The following KIF26B variants were observed in gnomAD, a reference collection of about 807,000 sequenced individuals.
The protein encoded by KIF26B is kinesin family member 26B.
KIF26B carries 63 observed loss-of-function variants against 151.2 expected under a neutral mutation model. That is an observed-to-expected ratio of 0.42 (90% CI 0.34 to 0.51). KIF26B has a LOEUF of 0.51. Ranked by LOEUF, KIF26B falls within the 20% of genes least tolerant of loss-of-function variation. The pLI is 0.07. For missense variants in KIF26B, 2,813 were observed against 2,913.6 expected (o/e 0.97, Z 0.79); for synonymous variants, 1,357 against 1,262.1 (o/e 1.08, Z -1.59).
chr1:245,592,576 G>A (rs1167666297), intron 5 of KIF26B, among the ~76,000 whole-genome samples: 1 of 152,198 alleles, frequency 6.6e-6, no homozygotes, highest in Non-Finnish European at 1.5e-5. Context: ...TGTTGCTGAT[G>A]GATGATTGAT....
intron 2 of KIF26B, among the ~76,000 whole-genome samples, chr1:245,177,960 G>C (rs1385177166): frequency 6.6e-6 from 1 of 152,168 alleles, no homozygotes; most frequent in Non-Finnish European, 1.5e-5. Context: ...GGTTTAGACT[G>C]GGGTTAGCCT....
At chr1:245,204,701 A>C (rs1669366677) in intron 2 of KIF26B, among the ~76,000 whole-genome samples, 1 of 151,786 alleles carries the variant, frequency 6.6e-6, no homozygotes, top group Non-Finnish European at 1.5e-5. Context: ...AATTTCTCTT[A>C]TGGCTTCGTC....
intron 8 of KIF26B, among the ~76,000 whole-genome samples, chr1:245,610,563 T>G (rs1391355082): frequency 6.6e-6 from 1 of 152,190 alleles, no homozygotes; most frequent in Non-Finnish European, 1.5e-5. Flanking sequence ...ATCTACACAG[T>G]GTCTGTGATG....
Position 245,607,842 on chromosome 1 carries a change from G to C in KIF26B, c.1651+98G>C, listed in dbSNP as rs2043473373. 1.9e-5 allele frequency: 18 copies of C among 928,604 alleles called. No homozygotes were observed. The South Asian group carries it at 2.7e-4, about 14-fold the overall frequency. 57.5% of individuals were successfully genotyped at this position (928,604 alleles called of 1,614,324 possible). On this transcript the variant is annotated intron_variant, in intron 7 of 14. Coordinates refer to ENST00000407071, the MANE Select transcript of KIF26B (RefSeq NM_018012.4). ...CCCAGAGTTCTCTGATGACAGGAAG[G>C]GCTGCGTTTCTCTTAGGTGTTGAGC...
At chr1:245,436,125 T>C (rs1382575715) in intron 4 of KIF26B, among the ~76,000 whole-genome samples, 3 of 150,100 alleles carry the variant, frequency 2.0e-5, no homozygotes, top group Admixed American at 6.7e-5. Flanking sequence ...TGCAGTGAGC[T>C]GAGATTGCGT....
chr1:245,703,443 C>T lies in KIF26B; in HGVS notation c.*837C>T, dbSNP rs1366424338. ...ACAGGTGAGGAGACGGCACCTGCAG[C>T]ACAGGGGAGGAGGAGTCCTTTGCGA... is the stretch of plus-strand genomic sequence containing the variant. On this transcript the variant is annotated 3_prime_UTR_variant, in exon 15 of 15. Coordinates refer to ENST00000407071, the MANE Select transcript of KIF26B (RefSeq NM_018012.4). The T allele has an allele frequency of 6.6e-6, 1 of 152,186 alleles. No homozygotes were observed. The highest frequency in any genetic ancestry group is 2.4e-5 in the African/African-American group (1 of 41,452). 9.4% of individuals were successfully genotyped at this position (152,186 alleles called of 1,614,324 possible). A position where few individuals can be genotyped will look rare whatever the true frequency, so the allele number is the denominator to read the frequency against.
intron 2 of KIF26B, among the ~76,000 whole-genome samples, chr1:245,188,620 G>A (rs1249148330): frequency 6.6e-6 from 1 of 152,202 alleles, no homozygotes; most frequent in Non-Finnish European, 1.5e-5. Flanking sequence ...TGCTGAGAAT[G>A]TAAAATCATG....
At chr1:245,586,973 A>G (rs1483075423) in intron 5 of KIF26B, among the ~76,000 whole-genome samples, 1 of 151,788 alleles carries the variant, frequency 6.6e-6, no homozygotes, top group African/African-American at 2.4e-5. Context: ...CTTCTCATGC[A>G]TTATCTCATT....
At chr1:245,397,095 G>A (rs1673865609) in intron 3 of KIF26B, among the ~76,000 whole-genome samples, 1 of 151,978 alleles carries the variant, frequency 6.6e-6, no homozygotes, top group Non-Finnish European at 1.5e-5. Flanking sequence ...GAGTAGCTGG[G>A]ACTATAGGCA....
At position 245,602,822 on chromosome 1, in the gene KIF26B, T is replaced by C. The variant is rs1445662849; in HGVS notation, c.1557+39T>C. The C allele has an allele frequency of 3.8e-6, 6 of 1,583,526 alleles. No individual in the cohort carries two copies. In the African/African-American group the frequency reaches 6.7e-5, roughly 18 times the overall value. On this transcript the variant is annotated intron_variant, in intron 6 of 14. Transcript: ENST00000407071. The surrounding 1 kb of genome is among the most constrained non-coding windows in gnomAD (Gnocchi z 4.5). ...CCCTCTCAGGCTCAGGCAACGTTGA[T>C]GAAAGGGCAACGTTTACTCATTCAC...
chr1:245,530,610 G>A (rs1406826603), intron 4 of KIF26B, among the ~76,000 whole-genome samples: 1 of 152,218 alleles, frequency 6.6e-6, no homozygotes, highest in Non-Finnish European at 1.5e-5. Context: ...ATGTTTTTAT[G>A]TGTGCTGCCC....
At chr1:245,578,855 C>T (rs551356094) in intron 5 of KIF26B, among the ~76,000 whole-genome samples, 1 of 152,346 alleles carries the variant, frequency 6.6e-6, no homozygotes, top group East Asian at 1.9e-4. Flanking sequence ...TCATTCAACT[C>T]TCTGGGTCTT....
chr1:245,247,023 T>C (rs369151083), intron 2 of KIF26B, among the ~76,000 whole-genome samples: 1 of 151,926 alleles, frequency 6.6e-6, no homozygotes, highest in Middle Eastern at 3.4e-3. Context: ...TTGACACTGA[T>C]GTAGATTGTA....
intron 4 of KIF26B, among the ~76,000 whole-genome samples, chr1:245,529,111 A>G (rs1481968748): frequency 6.6e-6 from 1 of 152,174 alleles, no homozygotes; most frequent in Non-Finnish European, 1.5e-5. Flanking sequence ...AGGCCGCTCC[A>G]TCGGAGTCCC....
intron 5 of KIF26B, 79 bp downstream of exon 5, chr1:245,541,029 C>G: frequency 8.5e-7 from 1 of 1,172,710 alleles, no homozygotes; most frequent in East Asian, 2.4e-5. Context: ...AAAATGAGGC[C>G]TCCAATGTAT....
chr1:245,258,675 G>A (rs564110476), intron 2 of KIF26B, among the ~76,000 whole-genome samples: 7 of 152,186 alleles, frequency 4.6e-5, no homozygotes, highest in East Asian at 3.9e-4. Flanking sequence ...CATCTGACCC[G>A]GGCCTGGGGT....
chr1:245,162,042 C>G (rs780660033), intron 2 of KIF26B, among the ~76,000 whole-genome samples: 6 of 152,200 alleles, frequency 3.9e-5, no homozygotes, highest in Non-Finnish European at 5.9e-5. Context: ...CCTTCCTGAA[C>G]AGAAAACCCT....
intron 10 of KIF26B, among the ~76,000 whole-genome samples, chr1:245,678,262 C>T (rs1388268641): frequency 6.6e-6 from 1 of 151,826 alleles, no homozygotes; most frequent in Non-Finnish European, 1.5e-5. Context: ...AATGCAGGGC[C>T]CTGGGGTTTG....
chr1:245,194,945 A>G (rs1669167174), intron 2 of KIF26B, among the ~76,000 whole-genome samples: 1 of 152,170 alleles, frequency 6.6e-6, no homozygotes, highest in African/African-American at 2.4e-5. Flanking sequence ...TTACTATATA[A>G]TCTAAACATA....
Sources: gnomAD v4.1 joint callset for allele counts (sites outside exome capture counted in the v4.1 genomes callset) on GRCh38, gnomAD v4.1.1 for gene constraint, Gnocchi (gnomAD v3.1) non-coding constraint, MANE v1.5 for transcripts, NCBI Gene and HGNC (gene_info 2026-07-23, HGNC 2026-07-21) for gene names.